The following PABPC4L variants were observed in gnomAD, a reference collection of about 807,000 sequenced individuals.
PABPC4L encodes the protein polyadenylate-binding protein 4-like.
For synonymous variants in PABPC4L, 169 were observed against 164.1 expected (o/e 1.03, Z -0.23); for missense variants, 452 against 451.4 (o/e 1.00, Z -0.01).
At chr4:134,190,205 T>G in the PABPC4L span, among the ~76,000 whole-genome samples, 1 of 152,156 alleles carries the variant, frequency 6.6e-6, no homozygotes, top group Non-Finnish European at 1.5e-5. Flanking sequence ...TGATTCTCTT[T>G]ATCTGTCTAT....
the PABPC4L span, among the ~76,000 whole-genome samples, chr4:134,047,818 T>C: frequency 6.6e-6 from 1 of 151,230 alleles, no homozygotes; most frequent in Non-Finnish European, 1.5e-5. Flanking sequence ...AGGGTTTTTT[T>C]TTTTTTCTGA....
At chr4:134,006,629 T>C in the PABPC4L span, among the ~76,000 whole-genome samples, 4 of 151,890 alleles carry the variant, frequency 2.6e-5, no homozygotes, top group Non-Finnish European at 5.9e-5. Flanking sequence ...AGTGGGGTAG[T>C]ATTTAACTTC....
the PABPC4L span, among the ~76,000 whole-genome samples, chr4:134,129,708 A>G: frequency 2.0e-5 from 3 of 152,090 alleles, no homozygotes; most frequent in Non-Finnish European, 4.4e-5. Context: ...GACAAAACCT[A>G]TCAAAACCTC....
At chr4:134,084,068 A>T in the PABPC4L span, among the ~76,000 whole-genome samples, 3 of 152,020 alleles carry the variant, frequency 2.0e-5, no homozygotes, top group South Asian at 6.2e-4. Flanking sequence ...TATTTTTTTG[A>T]GACAGGGTCT....
the PABPC4L span, chr4:134,010,664 C>A: frequency 6.6e-6 from 1 of 152,134 alleles, no homozygotes; most frequent in Admixed American, 6.6e-5. Flanking sequence ...TTCATTGGAT[C>A]CGCTGAATAC....
At chr4:134,005,596 T>C in the PABPC4L span, among the ~76,000 whole-genome samples, 1 of 151,854 alleles carries the variant, frequency 6.6e-6, no homozygotes. Flanking sequence ...ATTGAGCACA[T>C]TAATTCATTC....
chr4:133,991,813 A>G, the PABPC4L span, among the ~76,000 whole-genome samples: 22 of 152,282 alleles, frequency 1.4e-4, no homozygotes, highest in Non-Finnish European at 2.2e-4. Context: ...TAATATTTAA[A>G]TTAGATATAT....
At chr4:133,992,142 A>T in the PABPC4L span, among the ~76,000 whole-genome samples, 1 of 152,152 alleles carries the variant, frequency 6.6e-6, no homozygotes, top group Non-Finnish European at 1.5e-5. Flanking sequence ...AGGGAATGGG[A>T]TGTGGCTATG....
chr4:134,123,892 A>C, the PABPC4L span, among the ~76,000 whole-genome samples: 1 of 151,792 alleles, frequency 6.6e-6, no homozygotes, highest in African/African-American at 2.4e-5. Flanking sequence ...GCTGCAATTG[A>C]AAAAAAAGTT....
the PABPC4L span, among the ~76,000 whole-genome samples, chr4:134,128,001 G>T: frequency 6.6e-6 from 1 of 152,094 alleles, no homozygotes; most frequent in South Asian, 2.1e-4. Flanking sequence ...CACACTTAGA[G>T]AAATGCAAAA....
chr4:134,167,412 C>CAAT, the PABPC4L span, among the ~76,000 whole-genome samples: 1 of 151,026 alleles, frequency 6.6e-6, no homozygotes, highest in Non-Finnish European at 1.5e-5. Flanking sequence ...GAAAACAAAG[C>CAAT]AATAATAATA....
the PABPC4L span, among the ~76,000 whole-genome samples, chr4:134,174,736 CT>C: frequency 6.6e-6 from 1 of 152,056 alleles, no homozygotes; most frequent in South Asian, 2.1e-4. Context: ...TATTGTTCTC[CT>C]TTTTGTTTAA....
At chr4:134,156,880 C>G in the PABPC4L span, among the ~76,000 whole-genome samples, 1 of 151,860 alleles carries the variant, frequency 6.6e-6, no homozygotes, top group Non-Finnish European at 1.5e-5. Context: ...ATTTAAACAG[C>G]TCTGGTCCAC....
chr4:134,005,733 A>G, the PABPC4L span, among the ~76,000 whole-genome samples: 1 of 151,784 alleles, frequency 6.6e-6, no homozygotes, highest in African/African-American at 2.4e-5. Context: ...AAAATCAAAT[A>G]TTTTAAAACA....
the PABPC4L span, among the ~76,000 whole-genome samples, chr4:134,159,811 C>A: frequency 3.8e-3 from 572 of 152,164 alleles, 2 homozygotes; most frequent in African/African-American, 0.013. Context: ...AAGCCCGCAG[C>A]CCTGAGAGTG....
the PABPC4L span, among the ~76,000 whole-genome samples, chr4:133,950,500 A>G: frequency 2.0e-5 from 3 of 152,244 alleles, no homozygotes; most frequent in South Asian, 4.2e-4. Context: ...TCAATATTGC[A>G]TGACACATAT....
At chr4:134,026,335 A>C in the PABPC4L span, among the ~76,000 whole-genome samples, 4 of 151,874 alleles carry the variant, frequency 2.6e-5, no homozygotes, top group African/African-American at 9.7e-5. Context: ...TCCTGGGTTC[A>C]AGTGATTCTC....
the PABPC4L span, among the ~76,000 whole-genome samples, chr4:134,178,644 A>T: frequency 6.6e-6 from 1 of 152,170 alleles, no homozygotes; most frequent in African/African-American, 2.4e-5. Context: ...AAATCTAAGG[A>T]TTACAATAAA....
chr4:134,088,984 T>G, the PABPC4L span, among the ~76,000 whole-genome samples: 1 of 152,116 alleles, frequency 6.6e-6, no homozygotes, highest in Non-Finnish European at 1.5e-5. Context: ...AGAGGTGTAA[T>G]AATGTATATA....
Sources: gnomAD v4.1 joint callset for allele counts (sites outside exome capture counted in the v4.1 genomes callset) on GRCh38, gnomAD v4.1.1 for gene constraint, MANE v1.5 for transcripts, NCBI Gene and HGNC (gene_info 2026-07-23, HGNC 2026-07-21) for gene names.